SLC22A24: variants seen among roughly 807,000 people sequenced by gnomAD.
SLC22A24 encodes steroid transmembrane transporter SLC22A24.
In SLC22A24, 53 loss-of-function variants were observed where a neutral mutation model predicts 49.8. The ratio of observed to expected loss-of-function variants is 1.06; its 90% CI spans 0.85 to 1.34. The LOEUF (loss-of-function observed/expected upper bound fraction) is 1.34. Among genes scored for constraint, SLC22A24 ranks in the 40% most tolerant of loss-of-function variants. The pLI, the probability that SLC22A24 is intolerant of heterozygous loss-of-function variation, is 0.00. For missense variants in SLC22A24, 786 were observed against 675.9 expected, an observed-to-expected ratio of 1.16 and a Z score of -1.81; for synonymous variants, 302 against 256.4, an observed-to-expected ratio of 1.18 and a Z score of -1.70.
chr11:63,101,554 C>G (rs2087091026), intron 5 of SLC22A24, among the ~76,000 whole-genome samples: 2 of 151,844 alleles, frequency 1.3e-5, no homozygotes, highest in South Asian at 4.2e-4. Flanking sequence ...TCAAAAAGCC[C>G]AGGAGTTCCA....
intron 4 of SLC22A24, among the ~76,000 whole-genome samples, chr11:63,112,869 G>T (rs1402816551): frequency 6.6e-6 from 1 of 150,902 alleles, no homozygotes; most frequent in Non-Finnish European, 1.5e-5. Flanking sequence ...AAAAAAAATA[G>T]CAAGGCATGG....
At chr11:63,134,112 C>T (rs2087356517) in intron 2 of SLC22A24, among the ~76,000 whole-genome samples, 2 of 152,152 alleles carry the variant, frequency 1.3e-5, no homozygotes, top group Admixed American at 1.3e-4. Context: ...GTCTTCCTAT[C>T]CTGTGAGTGC....
chr11:63,099,182 T>C (rs1397741577), intron 5 of SLC22A24, among the ~76,000 whole-genome samples: 1 of 151,694 alleles, frequency 6.6e-6, no homozygotes, highest in Non-Finnish European at 1.5e-5. Flanking sequence ...TTAACAAATA[T>C]TTATTGGTTT....
intron 5 of SLC22A24, among the ~76,000 whole-genome samples, chr11:63,100,231 T>C (rs2087082368): frequency 6.6e-6 from 1 of 152,078 alleles, no homozygotes. Flanking sequence ...AGTTGCAAGA[T>C]ACAAAATCAA....
At chr11:63,112,323 C>T (rs538791451) in intron 4 of SLC22A24, among the ~76,000 whole-genome samples, 20 of 152,184 alleles carry the variant, frequency 1.3e-4, no homozygotes, top group Non-Finnish European at 2.4e-4. Flanking sequence ...AAATGTATAT[C>T]CTGTTGATTT....
intron 6 of SLC22A24, among the ~76,000 whole-genome samples, chr11:63,088,637 A>G (rs188898296): frequency 6.6e-6 from 1 of 152,296 alleles, no homozygotes; most frequent in Non-Finnish European, 1.5e-5. Flanking sequence ...TCTGAGCTAA[A>G]GGAGCATATT....
At chr11:63,122,867 A>C (rs1037191515) in intron 2 of SLC22A24, among the ~76,000 whole-genome samples, 4 of 152,126 alleles carry the variant, frequency 2.6e-5, no homozygotes, top group Non-Finnish European at 4.4e-5. Context: ...TATTCGTGGG[A>C]TATATAGTGA....
intron 4 of SLC22A24, among the ~76,000 whole-genome samples, chr11:63,109,303 A>G (rs2087145313): frequency 7.0e-6 from 1 of 143,482 alleles, no homozygotes; most frequent in African/African-American, 2.5e-5. Context: ...GCCACAATAA[A>G]CATACATGTG....
At chr11:63,134,934 C>T (rs2087363068) in intron 1 of SLC22A24, among the ~76,000 whole-genome samples, 166 bp from the exon 2 acceptor site, 1 of 152,144 alleles carries the variant, frequency 6.6e-6, no homozygotes, top group Non-Finnish European at 1.5e-5. Flanking sequence ...AGCTCATATT[C>T]TAAAAATACT....
intron 1 of SLC22A24, among the ~76,000 whole-genome samples, chr11:63,135,807 G>T (rs1391191941): frequency 1.3e-5 from 2 of 152,218 alleles, no homozygotes; most frequent in Non-Finnish European, 2.9e-5. Flanking sequence ...ATTTGACCCA[G>T]AAACTGCTAA....
intron 1 of SLC22A24, among the ~76,000 whole-genome samples, chr11:63,138,676 G>A (rs1303888835): frequency 3.4e-5 from 5 of 146,462 alleles, no homozygotes; most frequent in African/African-American, 1.3e-4. Flanking sequence ...AAAAGAAATT[G>A]GCTTCTGTAC....
At chr11:63,108,509 A>G (rs1444795671) in intron 4 of SLC22A24, among the ~76,000 whole-genome samples, 1 of 152,144 alleles carries the variant, frequency 6.6e-6, no homozygotes, top group Non-Finnish European at 1.5e-5. Flanking sequence ...AAGGAATGGT[A>G]TCAGCTCTCT....
Position 63,143,467 on chromosome 11 carries a change from A to G in SLC22A24, c.313T>C (p.Phe105Leu). The G allele has an allele frequency of 1.3e-6, 2 of 1,595,340 alleles. No individual in the cohort carries two copies. Among genetic ancestry groups the G allele is most frequent in the Non-Finnish European group, 1.7e-6 (2 of 1,171,220 alleles). The change falls in exon 1 of 10, where the codon TTC becomes CTC. Residue 105 changes from phenylalanine (F) to leucine (L), a missense_variant. By Grantham distance (22) the Phe-to-Leu change is conservative (BLOSUM62 0). Coordinates refer to ENST00000612278, the MANE Select transcript of SLC22A24 (RefSeq NM_001136506.2). ...QWQLLHLNGT[F>L]PNTNEPDTEP... is the part of the protein sequence containing the mutation. ...GTGTCTGGCTCATTTGTGTTGGGGA[A>G]GGTCCCGTTCAGGTGAAGGAGCTGC...
intron 4 of SLC22A24, chr11:63,115,840 C>T (rs868248545): frequency 3.3e-5 from 7 of 209,392 alleles, no homozygotes; most frequent in Admixed American, 2.9e-4. Flanking sequence ...GGAGGTTGCA[C>T]CATTCCTTCT....
At chr11:63,112,359 A>G (rs2087172093) in intron 4 of SLC22A24, among the ~76,000 whole-genome samples, 1 of 152,190 alleles carries the variant, frequency 6.6e-6, no homozygotes, top group South Asian at 2.1e-4. Context: ...GTAGATGTCT[A>G]TTAGGTCCGG....
rs1311332580 is a variant in SLC22A24 at position 63,134,684 on chromosome 11, A to G, written c.487T>C (p.Tyr163His). ...ACTCACCTGTCTGAAAGATGGCCATATATTAGACCTCCCAGAAGTGACCCA... is the reference window on the plus strand; with the variant it reads ...ACTCACCTGTCTGAAAGATGGCCATGTATTAGACCTCCCAGAAGTGACCCA... ...MAGSLLGGLI[Y>H]GHLSDRVGRK... The change falls in exon 2 of 10, where the codon TAT becomes CAT. Residue 163 changes from tyrosine (Y) to histidine (H), a missense_variant. Physicochemically the swap from Tyr to His is moderately conservative, Grantham distance 83. Transcript: ENST00000612278. 1.9e-6 allele frequency: 3 copies of G among 1,549,824 alleles called. No homozygotes were observed. The Admixed American group carries it at 5.9e-5, about 30-fold the overall frequency.
rs1185826618 is a variant in SLC22A24, at chr11:63,096,042, A to G, written c.1019T>C (p.Leu340Pro). ...AVRIKTSIFSLFRAPKLRMRV... is the reference protein window; with the variant it reads ...AVRIKTSIFSPFRAPKLRMRV... ...CATTCGCAATTTGGGTGCACGGAAC[A>G]GGGAAAAAATGGATGTTTTAATTCG... Residue 340 changes from leucine (L) to proline (P), a missense_variant, in exon 6 of 10, where the codon CTG (leucine) becomes CCG (proline). Coordinates refer to ENST00000612278, the MANE Select transcript of SLC22A24 (RefSeq NM_001136506.2). 1.3e-6 allele frequency: 2 copies of G among 1,551,014 alleles called. No homozygotes were observed. Among genetic ancestry groups the G allele is most frequent in the Non-Finnish European group, 8.7e-7 (1 of 1,146,488 alleles).
chr11:63,111,489 T>C (rs1219995140), intron 4 of SLC22A24, among the ~76,000 whole-genome samples: 3 of 152,060 alleles, frequency 2.0e-5, no homozygotes, highest in Non-Finnish European at 2.9e-5. Flanking sequence ...TGGACTCTTT[T>C]TGGTTGGTAA....
intron 2 of SLC22A24, among the ~76,000 whole-genome samples, chr11:63,128,294 G>T (rs539524228): frequency 2.6e-5 from 4 of 152,166 alleles, no homozygotes; most frequent in Admixed American, 2.0e-4. Flanking sequence ...AGGGCTCCTT[G>T]GTCTAGCAGT....
Sources: gnomAD v4.1 joint callset for allele counts (sites outside exome capture counted in the v4.1 genomes callset) on GRCh38, gnomAD v4.1.1 for gene constraint, MANE v1.5 for transcripts, NCBI Gene and HGNC (gene_info 2026-07-23, HGNC 2026-07-21) for gene names.